The following SNAPC4 variants were observed in gnomAD, a reference collection of about 807,000 sequenced individuals.
SNAPC4 encodes the protein small nuclear RNA activating complex polypeptide 4, also known as snRNA-activating protein complex subunit 4.
SNAPC4 carries 127 observed loss-of-function variants against 151.3 expected under a neutral mutation model. That is an observed-to-expected ratio of 0.84 (90% CI 0.73 to 0.97). The LOEUF (loss-of-function observed/expected upper bound fraction) is 0.97, where lower values mean the gene tolerates loss of function less well. Among genes scored for constraint, SNAPC4 ranks in the 50% least tolerant of loss-of-function variants. The pLI is 0.00. For synonymous variants in SNAPC4, 1,002 were observed against 824.4 expected (o/e 1.22, Z -3.69); for missense variants, 2,186 against 1,935.0 (o/e 1.13, Z -2.43).
At position 136,383,396 on chromosome 9, in the gene SNAPC4, C is replaced by G; in HGVS notation, c.1773G>C (p.Leu591=). Residue 591 remains leucine, a synonymous_variant, in exon 16 of 24, where the codon CTG becomes CTC. Coordinates refer to ENST00000684778, the MANE Select transcript of SNAPC4 (RefSeq NM_003086.4). The surrounding 1 kb of genome is among the most constrained non-coding windows in gnomAD (Gnocchi z 4.2). ...QPWRGGAGAW[L]GGPAASLSPP... ...GGCTGAGGGAGGCAGCGGGGCCTCC[C>G]AGCCAGGCCCCTGCCCCTCCTCTCC... The G allele has an allele frequency of 6.3e-7, 1 of 1,580,146 alleles. No individual in the cohort carries two copies. The highest frequency in any genetic ancestry group is 8.6e-7 in the Non-Finnish European group (1 of 1,163,096).
At chr9:136,376,843 C>T (rs1833464192) in intron 22 of SNAPC4, among the ~76,000 whole-genome samples, 1 of 152,204 alleles carries the variant, frequency 6.6e-6, no homozygotes, top group Non-Finnish European at 1.5e-5. Context: ...ACACTTCAGC[C>T]CAGGGACTTG....
intron 7 of SNAPC4, among the ~76,000 whole-genome samples, chr9:136,393,145 C>T (rs1230490148): frequency 6.6e-6 from 1 of 152,232 alleles, no homozygotes; most frequent in Non-Finnish European, 1.5e-5. Context: ...GGCTGTGAGG[C>T]CACAGTAAAG....
intron 20 of SNAPC4, among the ~76,000 whole-genome samples, chr9:136,380,223 C>G (rs1363302839): frequency 1.3e-5 from 2 of 152,124 alleles, no homozygotes; most frequent in Non-Finnish European, 1.5e-5. Flanking sequence ...GTTCCCCCTG[C>G]CAGTGCAGCT....
rs751827865 is a variant in SNAPC4 at position 136,378,289 on chromosome 9, C to T, written c.3538G>A (p.Val1180Met). 6.2e-7 allele frequency: 1 copy of T among 1,605,038 alleles called. No individual in the cohort carries two copies. The highest frequency in any genetic ancestry group is 8.5e-7 in the Non-Finnish European group (1 of 1,176,402). Residue 1180 changes from valine (V) to methionine (M), a missense_variant, in exon 22 of 24, where the codon GTG (valine) becomes ATG (methionine). Physicochemically the swap from Val to Met is conservative, Grantham distance 21. Transcript: ENST00000684778. ...CTGGGCTCAGGTATCTCCCTGGCCACCTGGGCCTCTCCAGGGACAAAGGCC... is the reference window on the plus strand; with the variant it reads ...CTGGGCTCAGGTATCTCCCTGGCCATCTGGGCCTCTCCAGGGACAAAGGCC... Reference protein sequence around the residue: ...SVAFVPGEAQVAREIPEPRTS... With the variant: ...SVAFVPGEAQMAREIPEPRTS...
At position 136,383,867 on chromosome 9, in the gene SNAPC4, C is replaced by T. The variant is rs1431122765; in HGVS notation, c.1500+86G>A. On this transcript the variant is annotated intron_variant, in intron 15 of 23. Transcript: ENST00000684778. The surrounding 1 kb of genome is among the most constrained non-coding windows in gnomAD (Gnocchi z 4.2). Reference sequence around the variant, plus strand: ...CCAAGACCAGAAACCGAACGCCCCCCTCCCCTCCCCTCCTCCTGCCTGCTG... The same window carrying T: ...CCAAGACCAGAAACCGAACGCCCCCTTCCCCTCCCCTCCTCCTGCCTGCTG... The T allele has an allele frequency of 1.2e-5, 16 of 1,317,288 alleles. No homozygotes were observed. The highest frequency in any genetic ancestry group is 1.7e-5 in the Non-Finnish European group (16 of 922,790). The allele number at this position is 1,317,288 out of a possible 1,614,324, so 81.6% of individuals were successfully genotyped here.
chr9:136,397,515 G>A (rs966296544), intron 2 of SNAPC4, among the ~76,000 whole-genome samples: 3 of 147,634 alleles, frequency 2.0e-5, no homozygotes. Flanking sequence ...AGGCTCAGAA[G>A]CTAAAGGGAG....
At chr9:136,397,756 G>A (rs1834326818) in intron 2 of SNAPC4, among the ~76,000 whole-genome samples, 1 of 150,922 alleles carries the variant, frequency 6.6e-6, no homozygotes, top group Non-Finnish European at 1.5e-5. Context: ...CACGTGGGGA[G>A]GGGCACATGT....
At position 136,388,631 on chromosome 9, in the gene SNAPC4, C is replaced by T. The variant is rs7045151; in HGVS notation, c.976-40G>A. 7,220 of 1,611,832 alleles carry T rather than the reference C, an allele frequency of 4.5e-3. 285 individuals carry two copies. The African/African-American group carries it at 0.079, about 18-fold the overall frequency. ...ACAAAAGCAAATGAGTGTTACTGCG[C>T]GGCAGGATGTCCAGATCTGGCTCTG... On this transcript the variant is annotated intron_variant, in intron 10 of 23. Coordinates refer to ENST00000684778, the MANE Select transcript of SNAPC4 (RefSeq NM_003086.4).
Position 136,378,285 on chromosome 9 carries a change from G to A in SNAPC4, c.3542C>T (p.Ala1181Val). ...CGTCCTGGGCTCAGGTATCTCCCTG[G>A]CCACCTGGGCCTCTCCAGGGACAAA... The part of the protein sequence containing the change: ...VAFVPGEAQV[A>V]REIPEPRTSS... The change falls in exon 22 of 24, where the codon GCC (alanine) becomes GTC (valine). Residue 1181 changes from alanine (A) to valine (V), a missense_variant. By Grantham distance (64) the Ala-to-Val change is moderately conservative. Coordinates refer to ENST00000684778, the MANE Select transcript of SNAPC4 (RefSeq NM_003086.4). 3 of 1,604,702 alleles carry A rather than the reference G, an allele frequency of 1.9e-6. No individual in the cohort carries two copies. Among genetic ancestry groups the A allele is most frequent in the Non-Finnish European group, 2.6e-6 (3 of 1,176,256 alleles).
Position 136,395,183 on chromosome 9 carries a change from C to T in SNAPC4, c.471+115G>A, listed in dbSNP as rs939918778. On this transcript the variant is annotated intron_variant, in intron 5 of 23. Coordinates refer to ENST00000684778, the MANE Select transcript of SNAPC4 (RefSeq NM_003086.4). ...GAGGAGGCAGTTTGAAGGAGGTTGGCCAATGTTATCTTGAACTCACAGGAA... is the reference window on the plus strand; with the variant it reads ...GAGGAGGCAGTTTGAAGGAGGTTGGTCAATGTTATCTTGAACTCACAGGAA... The T allele has an allele frequency of 2.2e-6, 3 of 1,361,586 alleles. No individual in the cohort carries two copies. The South Asian group carries it at 4.1e-5, about 19-fold the overall frequency. 84.3% of individuals were successfully genotyped at this position (1,361,586 alleles called of 1,614,324 possible). A position where few individuals can be genotyped will look rare whatever the true frequency, so the allele number is the denominator to read the frequency against.
At chr9:136,376,627 C>A in intron 22 of SNAPC4, 146 bp from the exon 23 acceptor site, 3 of 901,792 alleles carry the variant, frequency 3.3e-6, no homozygotes, top group Non-Finnish European at 5.2e-6. Context: ...CTGCTCCAGG[C>A]ACTCCTGGGG....
In SNAPC4 at chr9:136,377,874, A is replaced by G; in HGVS notation, c.3953T>C (p.Leu1318Pro). ...LCSLRALSGL[L>P]LHKKALEHKA... Reference sequence around the variant, plus strand: ...GTGCTCCAGGGCCTTCTTGTGGAGTAGGAGACCGGACAGAGCTCGCAGGCT... The same window carrying G: ...GTGCTCCAGGGCCTTCTTGTGGAGTGGGAGACCGGACAGAGCTCGCAGGCT... The change falls in exon 22 of 24, where the codon CTA becomes CCA. Residue 1318 changes from leucine to proline, a missense_variant. Leu to Pro is a moderately conservative substitution (Grantham distance 98). Transcript: ENST00000684778. The G allele has an allele frequency of 6.2e-7, 1 of 1,611,500 alleles. No individual in the cohort carries two copies. The highest frequency in any genetic ancestry group is 8.5e-7 in the Non-Finnish European group (1 of 1,179,788).
At position 136,377,914 on chromosome 9, in the gene SNAPC4, GC is replaced by G. The variant is rs749161483; in HGVS notation, c.3912del (p.Gln1304HisfsTer103). 1 of 1,610,518 alleles carries G rather than the reference GC, an allele frequency of 6.2e-7. No homozygotes were observed. The highest frequency in any genetic ancestry group is 8.5e-7 in the Non-Finnish European group (1 of 1,179,324). On this transcript the variant is annotated frameshift_variant, in exon 22 of 24. Transcript: ENST00000684778. LOFTEE classifies it high-confidence loss of function. ...GCTCGCAGGCTGCACAGGGCTGGGG[GC>G]TGATAGGGCAGTCTGCTGCCCAGAA... ...VPLLGSRLPY[Q>X]PPALCSLRAL...
intron 23 of SNAPC4, 49 bp downstream of exon 23, chr9:136,376,300 A>C (rs1312297408): frequency 6.2e-7 from 1 of 1,602,240 alleles, no homozygotes; most frequent in Non-Finnish European, 8.5e-7. Context: ...TCTGGACACC[A>C]CTCTGTCCCC....
In SNAPC4 at chr9:136,396,962, C is replaced by T. The variant is rs747075983; in HGVS notation, c.177+15G>A. 5 of 1,612,348 alleles carry T rather than the reference C, an allele frequency of 3.1e-6. No homozygotes were observed. Among genetic ancestry groups the T allele is most frequent in the Non-Finnish European group, 4.2e-6 (5 of 1,179,374 alleles). On this transcript the variant is annotated intron_variant, in intron 3 of 23. Transcript: ENST00000684778. ...GCCTGACCCAGTGGCACAGCCAGAT[C>T]AGGCCAACAGTTACCGAGATCGGGG...
At chr9:136,386,124 G>A (rs75626080) in intron 13 of SNAPC4, among the ~76,000 whole-genome samples, 3,389 of 150,340 alleles carry the variant, frequency 0.023, 135 homozygotes, top group African/African-American at 0.078. Flanking sequence ...TCAATTTCTC[G>A]ACATCCTTGC....
In SNAPC4 at chr9:136,379,990, G is replaced by A. The variant is rs1833628929; in HGVS notation, c.2500-126C>T. On this transcript the variant is annotated intron_variant, in intron 20 of 23. Transcript: ENST00000684778. Reference sequence around the variant, plus strand: ...GGACGAGGCCCCAAGGGCTGGTGCTGGCCTCCCACACGCCTCTGTAGGAAC... The same window carrying A: ...GGACGAGGCCCCAAGGGCTGGTGCTAGCCTCCCACACGCCTCTGTAGGAAC... The A allele has an allele frequency of 5.0e-6, 7 of 1,405,212 alleles. No individual in the cohort carries two copies. In the South Asian group the frequency reaches 6.1e-5, roughly 12 times the overall value. 87.0% of individuals were successfully genotyped at this position (1,405,212 alleles called of 1,614,324 possible). A position where few individuals can be genotyped will look rare whatever the true frequency, so the allele number is the denominator to read the frequency against.
chr9:136,394,785 G>A lies in SNAPC4; in HGVS notation c.550+15C>T, dbSNP rs199818326. 3.2e-4 allele frequency: 513 copies of A among 1,612,664 alleles called. 3 individuals carry two copies. Among genetic ancestry groups the A allele is most frequent in the Middle Eastern group, 2.2e-3 (13 of 6,046 alleles). Reference sequence around the variant, plus strand: ...CCAAGCTCAGGGGTGCCGCAGGGCCGGCCAGGGCTCTTACATTTGGTCACA... The same window carrying A: ...CCAAGCTCAGGGGTGCCGCAGGGCCAGCCAGGGCTCTTACATTTGGTCACA... On this transcript the variant is annotated intron_variant, in intron 6 of 23. Coordinates refer to ENST00000684778, the MANE Select transcript of SNAPC4 (RefSeq NM_003086.4).
rs1221761757 is a variant in SNAPC4, at chr9:136,384,456, G to A, written c.1420+264C>T. Among the ~76,000 whole-genome samples the A allele has an allele frequency of 1.3e-5, 2 of 152,134 alleles. 1 individual carries two copies. The highest frequency in any genetic ancestry group is 4.1e-4 in the South Asian group (2 of 4,822). ...ACCACAGCTAGGATTTACTCTAAGG[G>A]GACATTGCAAATATAAGCAAAGACT... On this transcript the variant is annotated intron_variant, in intron 14 of 23. Coordinates refer to ENST00000684778, the MANE Select transcript of SNAPC4 (RefSeq NM_003086.4).
Sources: gnomAD v4.1 joint callset for allele counts (sites outside exome capture counted in the v4.1 genomes callset) on GRCh38, gnomAD v4.1.1 for gene constraint, Gnocchi (gnomAD v3.1) non-coding constraint, MANE v1.5 for transcripts, NCBI Gene and HGNC (gene_info 2026-07-23, HGNC 2026-07-21) for gene names.